Variants in FOXP2 observed in about 807,000 individuals in gnomAD.
FOXP2 encodes the protein forkhead box protein P2.
FOXP2 carries 12 observed loss-of-function variants against 115.8 expected under a neutral mutation model. That is an observed-to-expected ratio of 0.10 (90% CI 0.07 to 0.17). The LOEUF (loss-of-function observed/expected upper bound fraction) is 0.17, where lower values mean the gene tolerates loss of function less well. FOXP2 is among the 10% of genes least tolerant of loss of function. The pLI, the probability that FOXP2 is intolerant of heterozygous loss-of-function variation, is 1.00. For synonymous variants in FOXP2, 328 were observed against 297.7 expected, an observed-to-expected ratio of 1.10 and a Z score of -1.05; for missense variants, 629 against 843.5, an observed-to-expected ratio of 0.75 and a Z score of 3.15.
At chr7:114,180,417 A>G (rs1793426682) in intron 1 of FOXP2, among the ~76,000 whole-genome samples, 1 of 151,410 alleles carries the variant, frequency 6.6e-6, no homozygotes, top group Non-Finnish European at 1.5e-5. Flanking sequence ...GAGCTCACTT[A>G]CTCCCAAAGC....
intron 2 of FOXP2, among the ~76,000 whole-genome samples, chr7:114,292,998 A>T (rs916208371): frequency 3.3e-5 from 5 of 152,190 alleles, no homozygotes; most frequent in Non-Finnish European, 7.3e-5. Context: ...GTTACTTGTG[A>T]GAATCCATTA....
At chr7:114,683,127 T>C (rs1407942308) in intron 16 of FOXP2, among the ~76,000 whole-genome samples, 1 of 152,230 alleles carries the variant, frequency 6.6e-6, no homozygotes, top group East Asian at 1.9e-4. Context: ...TTTTCACTAG[T>C]TCTGAATGGA....
intron 1 of FOXP2, among the ~76,000 whole-genome samples, chr7:114,209,149 G>C (rs1458450147): frequency 1.3e-5 from 2 of 152,162 alleles, no homozygotes; most frequent in African/African-American, 4.8e-5. Flanking sequence ...TAGTCAGTGA[G>C]TTCTCATGAG....
At chr7:114,267,684 G>A (rs977989344) in intron 1 of FOXP2, among the ~76,000 whole-genome samples, 6 of 149,872 alleles carry the variant, frequency 4.0e-5, no homozygotes, top group Non-Finnish European at 5.9e-5. Context: ...CCAAGATTGT[G>A]CCACTGCACT....
At chr7:114,611,785 A>G (rs1171596764) in intron 3 of FOXP2, among the ~76,000 whole-genome samples, 1 of 152,134 alleles carries the variant, frequency 6.6e-6, no homozygotes, top group Non-Finnish European at 1.5e-5. Context: ...TTGCATCCTT[A>G]GAGGTTTTAG....
intron 1 of FOXP2, among the ~76,000 whole-genome samples, chr7:114,143,974 C>T (rs1213912233): frequency 6.6e-6 from 1 of 152,074 alleles, no homozygotes; most frequent in Admixed American, 6.6e-5. Context: ...ATGGTGCAGA[C>T]CTGCCCAATT....
chr7:114,371,436 A>G (rs534565406), intron 2 of FOXP2, among the ~76,000 whole-genome samples: 3 of 152,120 alleles, frequency 2.0e-5, no homozygotes, highest in Non-Finnish European at 4.4e-5. Flanking sequence ...TGGAGATGCT[A>G]TTGTAACATT....
chr7:114,658,293 A>G lies in FOXP2; in HGVS notation c.1468+26A>G, dbSNP rs778181924. On this transcript the variant is annotated intron_variant, in intron 11 of 16. Coordinates refer to ENST00000350908, the MANE Select transcript of FOXP2 (RefSeq NM_014491.4). ...GTAGGATATGAATGCTCAGTAGAGCACTTTTACTTTGGGAGAGGAAAACTG... is the reference window on the plus strand; with the variant it reads ...GTAGGATATGAATGCTCAGTAGAGCGCTTTTACTTTGGGAGAGGAAAACTG... 2.5e-6 allele frequency: 4 copies of G among 1,610,818 alleles called. No homozygotes were observed. In the East Asian group the frequency reaches 8.9e-5, roughly 36 times the overall value.
At chr7:114,376,669 T>A (rs1484769622) in intron 2 of FOXP2, among the ~76,000 whole-genome samples, 4 of 152,124 alleles carry the variant, frequency 2.6e-5, no homozygotes, top group African/African-American at 9.7e-5. Flanking sequence ...GGAGGGTAAC[T>A]GAGGAGATGG....
intron 2 of FOXP2, among the ~76,000 whole-genome samples, chr7:114,339,868 T>A (rs1246250011): frequency 2.0e-5 from 3 of 151,204 alleles, no homozygotes; most frequent in Non-Finnish European, 4.5e-5. Context: ...CAAAGGTCTT[T>A]TACAAGATAG....
At chr7:114,290,097 T>G (rs1447344928) in intron 2 of FOXP2, among the ~76,000 whole-genome samples, 1 of 151,940 alleles carries the variant, frequency 6.6e-6, no homozygotes, top group Non-Finnish European at 1.5e-5. Flanking sequence ...CTTGTGAAAA[T>G]TTAGCACTTG....
chr7:114,413,946 C>G (rs887528220), upstream of FOXP2, among the ~76,000 whole-genome samples: 1 of 152,100 alleles, frequency 6.6e-6, no homozygotes, highest in Non-Finnish European at 1.5e-5. Context: ...TGGTGTTCAG[C>G]TGAGACCTGT....
chr7:114,526,338 G>C (rs561874468), intron 2 of FOXP2, among the ~76,000 whole-genome samples: 1 of 151,290 alleles, frequency 6.6e-6, no homozygotes, highest in African/African-American at 2.4e-5. Context: ...TTAGCTGGGC[G>C]TGGAGGCACG....
At chr7:114,627,902 C>T (rs1192339159) in intron 3 of FOXP2, among the ~76,000 whole-genome samples, 1 of 151,704 alleles carries the variant, frequency 6.6e-6, no homozygotes, top group Non-Finnish European at 1.5e-5. Flanking sequence ...CTATGTATGT[C>T]ATTATTTTTC....
intron 1 of FOXP2, among the ~76,000 whole-genome samples, chr7:114,132,970 A>C (rs1791931651): frequency 6.6e-6 from 1 of 152,184 alleles, no homozygotes; most frequent in South Asian, 2.1e-4. Flanking sequence ...TATTGAAAAT[A>C]GTCTGCACCA....
At chr7:114,571,338 T>G (rs1801290781) in intron 3 of FOXP2, among the ~76,000 whole-genome samples, 1 of 151,914 alleles carries the variant, frequency 6.6e-6, no homozygotes, top group South Asian at 2.1e-4. Context: ...CTTGTCACTT[T>G]GGACTGTAAT....
intron 1 of FOXP2, among the ~76,000 whole-genome samples, chr7:114,247,868 G>A (rs1162076456): frequency 6.6e-6 from 1 of 152,002 alleles, no homozygotes; most frequent in African/African-American, 2.4e-5. Context: ...GTTCTCCAGA[G>A]AAACAGAACC....
chr7:114,103,553 T>A (rs1791040159), intron 1 of FOXP2, among the ~76,000 whole-genome samples: 1 of 151,992 alleles, frequency 6.6e-6, no homozygotes, highest in Non-Finnish European at 1.5e-5. Flanking sequence ...ATGGGGGAGA[T>A]GAACGAAAAG....
chr7:114,318,591 A>G (rs1388623917), intron 2 of FOXP2, among the ~76,000 whole-genome samples: 1 of 151,882 alleles, frequency 6.6e-6, no homozygotes, highest in East Asian at 1.9e-4. Flanking sequence ...ATTTAAACAC[A>G]ATGATTCACA....
Sources: allele counts gnomAD v4.1 joint callset (sites outside exome capture counted in the v4.1 genomes callset), GRCh38; gene constraint gnomAD v4.1.1; transcripts MANE v1.5; gene names NCBI Gene and HGNC (gene_info 2026-07-23, HGNC 2026-07-21).